Variants in KCTD19 observed in about 807,000 individuals in gnomAD.
KCTD19 encodes the protein BTB/POZ domain-containing protein KCTD19.
In KCTD19, 67 loss-of-function variants were observed where a neutral mutation model predicts 103.5. The observed-to-expected ratio is 0.65, with a 90% CI of 0.53 to 0.79. The LOEUF is 0.79. Among genes scored for constraint, KCTD19 ranks in the 30% least tolerant of loss-of-function variants. KCTD19 has a pLI of 0.00. For synonymous variants in KCTD19, 439 were observed against 452.2 expected, an observed-to-expected ratio of 0.97 and a Z score of 0.37; for missense variants, 980 against 1,136.1, an observed-to-expected ratio of 0.86 and a Z score of 1.98.
At chr16:67,322,860 T>C (rs1413796063) in intron 1 of KCTD19, among the ~76,000 whole-genome samples, 1 of 152,186 alleles carries the variant, frequency 6.6e-6, no homozygotes, top group African/African-American at 2.4e-5. Context: ...TTAAACTCAA[T>C]AACAAAAAGA....
In KCTD19 at chr16:67,304,464, A is replaced by T. The variant is rs754894683; in HGVS notation, c.408T>A (p.Ile136=). The part of the protein sequence containing the change: ...SLNYWRTWKC[I]SKPSEFPIKS... ...TAATTGGAAATTCTGAGGGTTTGCT[A>T]ATACACTTCCATGTACGCCAGTAGT... Residue 136 remains isoleucine (I), a synonymous_variant, in exon 3 of 16, where the codon ATT becomes ATA. Coordinates refer to ENST00000304372, the MANE Select transcript of KCTD19 (RefSeq NM_001100915.3). The T allele has an allele frequency of 5.0e-6, 8 of 1,613,970 alleles. No individual in the cohort carries two copies. Among genetic ancestry groups the T allele is most frequent in the Middle Eastern group, 1.6e-4 (1 of 6,080 alleles).
In KCTD19 at chr16:67,299,462, T is replaced by C; in HGVS notation, c.887A>G (p.Lys296Arg). 1 of 1,614,232 alleles carries C rather than the reference T, an allele frequency of 6.2e-7. No individual in the cohort carries two copies. The highest frequency in any genetic ancestry group is 1.1e-5 in the South Asian group (1 of 91,084). ...CTGGCCCAGCGCAGAGTCCGGGTAC[T>C]TGACCAGCAGACCCAGGGCCATTGT... ...LYTMALGLLV[K>R]YPDSALGQLR... Residue 296 changes from lysine to arginine, a missense_variant, in exon 6 of 16, where the codon AAG (lysine) becomes AGG (arginine). By Grantham distance (26) the Lys-to-Arg change is conservative (BLOSUM62 2). Transcript: ENST00000304372.
At chr16:67,306,040 T>C (rs2036889666) in intron 2 of KCTD19, among the ~76,000 whole-genome samples, 2 of 152,048 alleles carry the variant, frequency 1.3e-5, no homozygotes, top group Admixed American at 1.3e-4. Flanking sequence ...CAGTGAACAA[T>C]GGGGGAGACA....
chr16:67,296,210 T>C lies in KCTD19; in HGVS notation c.1197A>G (p.Lys399=), dbSNP rs2036762720. 1 of 1,613,802 alleles carries C rather than the reference T, an allele frequency of 6.2e-7. No individual in the cohort carries two copies. Among genetic ancestry groups the C allele is most frequent in the Admixed American group, 1.7e-5 (1 of 59,998 alleles). ...ITVYSPQQII[K]VYVGSHWYAT... The stretch of plus-strand genomic sequence containing the variant: ...CGTACCAGTGGCTTCCAACATACAC[T>C]TTGATGATCTGTTGTGGGGAATACA... Residue 399 remains lysine (K), a synonymous_variant, in exon 8 of 16, where the codon AAA becomes AAG. Coordinates refer to ENST00000304372, the MANE Select transcript of KCTD19 (RefSeq NM_001100915.3).
chr16:67,319,920 A>T (rs2037053775), intron 2 of KCTD19, among the ~76,000 whole-genome samples: 1 of 152,178 alleles, frequency 6.6e-6, no homozygotes, highest in Non-Finnish European at 1.5e-5. Flanking sequence ...GTACATAGCA[A>T]ATCCTAAAAT....
In KCTD19 at chr16:67,293,201, G is replaced by A. The variant is rs142495434; in HGVS notation, c.2218+343C>T. Among the ~76,000 whole-genome samples the A allele has an allele frequency of 2.5e-4, 38 of 152,288 alleles. No individual in the cohort carries two copies. The highest frequency in any genetic ancestry group is 8.7e-4 in the African/African-American group (36 of 41,554). ...GCCTCATCTTTTATCACGTCTGCAT[G>A]TGAAGCCTGGCCTCCAGCTAGACCC... On this transcript the variant is annotated intron_variant, in intron 12 of 15. Coordinates refer to ENST00000304372, the MANE Select transcript of KCTD19 (RefSeq NM_001100915.3). The surrounding 1 kb of genome is among the most constrained non-coding windows in gnomAD (Gnocchi z 4.0).
In KCTD19 at chr16:67,314,620, G is replaced by A. The variant is rs538888930; in HGVS notation, c.300+5969C>T. ...TGTTATAGAGATGGGGCTTTGTCAT[G>A]TTGCCCAGGCTGGTCTTGAACTCCT... On this transcript the variant is annotated intron_variant, in intron 2 of 15. Coordinates refer to ENST00000304372, the MANE Select transcript of KCTD19 (RefSeq NM_001100915.3). Among the ~76,000 whole-genome samples, 15 of 151,652 alleles carry A rather than the reference G, an allele frequency of 9.9e-5. No homozygotes were observed. The South Asian group carries it at 3.1e-3, about 31-fold the overall frequency.
chr16:67,305,799 T>C (rs2036886327), intron 2 of KCTD19, among the ~76,000 whole-genome samples: 1 of 152,220 alleles, frequency 6.6e-6, no homozygotes. Context: ...ACAAATAATC[T>C]GCCTCTAAAT....
intron 2 of KCTD19, among the ~76,000 whole-genome samples, chr16:67,311,812 C>A (rs575784675): frequency 2.0e-5 from 3 of 152,072 alleles, no homozygotes; most frequent in East Asian, 1.9e-4. Context: ...GATGAGCCAG[C>A]CTGTGAGGAG....
rs74507704 is a variant in KCTD19, at chr16:67,323,891, C to CA, written c.3+2813dup. On this transcript the variant is annotated intron_variant, in intron 1 of 15. Transcript: ENST00000304372. This position sits in a 1 kb window ranked among gnomAD's most constrained non-coding sequence, Gnocchi z 4.1. ...TGTGAATTATATCTCAATAGATCTA[C>CA]AAAAAAAAAAAAAGATGAGGTACTG... Among the ~76,000 whole-genome samples, 1,616 of 125,804 alleles carry CA rather than the reference C, an allele frequency of 0.013. 6 individuals carry two copies. The highest frequency in any genetic ancestry group is 0.017 in the Non-Finnish European group (963 of 58,246). 82.5% of individuals were successfully genotyped at this position (125,804 alleles called of 152,430 possible).
In KCTD19 at chr16:67,301,830, C is replaced by G. The variant is rs533224871; in HGVS notation, c.736G>C (p.Ala246Pro). ...TACCACCTTACGGCTTCAGTGAGTG[C>G]AGGGATTTCCAGAATTTCCACTTCT... is the stretch of plus-strand genomic sequence containing the variant. ...EAEVEILEIP[A>P]LTEAVRWYRM... The change falls in exon 5 of 16, where the codon GCA becomes CCA. Residue 246 changes from alanine (A) to proline (P), a missense_variant. Transcript: ENST00000304372. 6.2e-7 allele frequency: 1 copy of G among 1,613,952 alleles called. No individual in the cohort carries two copies. The highest frequency in any genetic ancestry group is 1.1e-5 in the South Asian group (1 of 91,080).
Position 67,294,076 on chromosome 16 carries a change from A to G in KCTD19, c.1686T>C (p.Asp562=), listed in dbSNP as rs757430326. Residue 562 remains aspartate, a synonymous_variant, in exon 12 of 16, where the codon GAT becomes GAC. Transcript: ENST00000304372. ...KGNLVRSNQM[D]EAEQYTRPIQ... Reference sequence around the variant, plus strand: ...TGGGCCGAGTGTACTGCTCAGCCTCATCCATCTGGTTGGACCTGACCAGGT... The same window carrying G: ...TGGGCCGAGTGTACTGCTCAGCCTCGTCCATCTGGTTGGACCTGACCAGGT... 1 of 1,614,126 alleles carries G rather than the reference A, an allele frequency of 6.2e-7. No homozygotes were observed. Among genetic ancestry groups the G allele is most frequent in the South Asian group, 1.1e-5 (1 of 91,086 alleles).
chr16:67,302,883 C>T (rs2036849767), intron 4 of KCTD19: 2 of 478,250 alleles, frequency 4.2e-6, no homozygotes, highest in South Asian at 5.1e-5. Context: ...CTCCTGTGGT[C>T]CCTAGCACTT....
At chr16:67,290,167 C>CTTTTTT (rs11296444) in intron 15 of KCTD19, among the ~76,000 whole-genome samples, 23 of 69,316 alleles carry the variant, frequency 3.3e-4, no homozygotes, top group African/African-American at 4.1e-4. Flanking sequence ...TGAATATTTT[C>CTTTTTT]TTTTTTTTTT....
At chr16:67,295,887 G>A in intron 8 of KCTD19, 1 of 414,858 alleles carries the variant, frequency 2.4e-6, no homozygotes, top group South Asian at 2.6e-5. Flanking sequence ...TGGGATTACA[G>A]GCACGTGCCA....
In KCTD19 at chr16:67,301,896, A is replaced by G. The variant is rs2036838676; in HGVS notation, c.670T>C (p.Leu224=). 6.2e-7 allele frequency: 1 copy of G among 1,613,710 alleles called. No individual in the cohort carries two copies. The highest frequency in any genetic ancestry group is 1.3e-5 in the African/African-American group (1 of 74,916). ...ATGTTGGAGAAATTATCCGGTAGTAAAATCTTCTGTGAGCGAAGAAAATTC... is the reference window on the plus strand; with the variant it reads ...ATGTTGGAGAAATTATCCGGTAGTAGAATCTTCTGTGAGCGAAGAAAATTC... ...IVNFLRSQKI[L]LPDNFSNIDV... The change falls in exon 5 of 16, where the codon TTA becomes CTA. Residue 224 remains leucine (L), a synonymous_variant. Coordinates refer to ENST00000304372, the MANE Select transcript of KCTD19 (RefSeq NM_001100915.3).
At chr16:67,314,818 TATATATATATATAGAGAG>T (rs1405547425) in intron 2 of KCTD19, among the ~76,000 whole-genome samples, 36 of 99,168 alleles carry the variant, frequency 3.6e-4, no homozygotes, top group South Asian at 3.8e-4. Context: ...TATATATATA[TATATATATATATAGAGAG>T]AGAGAGAGAG....
Position 67,303,295 on chromosome 16 carries a change from A to G in KCTD19, c.494T>C (p.Leu165Pro). The G allele has an allele frequency of 6.2e-7, 1 of 1,614,000 alleles. No homozygotes were observed. The highest frequency in any genetic ancestry group is 8.5e-7 in the Non-Finnish European group (1 of 1,179,938). Reference sequence around the variant, plus strand: ...GTGCACCTCCTCTTCTGTGTCTAACAGGGGTGTGTCCATGAGCCCCAGAGG... The same window carrying G: ...GTGCACCTCCTCTTCTGTGTCTAACGGGGGTGTGTCCATGAGCCCCAGAGG... ...KAPLGLMDTP[L>P]LDTEEEVHYC... Residue 165 changes from leucine (L) to proline (P), a missense_variant, in exon 4 of 16, where the codon CTG (leucine) becomes CCG (proline). Transcript: ENST00000304372. The surrounding 1 kb of genome is among the most constrained non-coding windows in gnomAD (Gnocchi z 4.3).
rs2036856688 is a variant in KCTD19 at position 67,303,232 on chromosome 16, G to C, written c.557C>G (p.Pro186Arg). Residue 186 changes from proline to arginine, a missense_variant, in exon 4 of 16, where the codon CCC becomes CGC. Pro to Arg is a moderately radical substitution (Grantham distance 103). Transcript: ENST00000304372. The surrounding 1 kb of genome is among the most constrained non-coding windows in gnomAD (Gnocchi z 4.3). ...CAGGTTGTCTTCAGTCACTAGGCTG[G>C]GATATTTGGCCACCAGGTCTAGGGG... The part of the protein sequence containing the change: ...FLPLDLVAKY[P>R]SLVTEDNLLW... 6.2e-7 allele frequency: 1 copy of C among 1,613,994 alleles called. No individual in the cohort carries two copies. Among genetic ancestry groups the C allele is most frequent in the Non-Finnish European group, 8.5e-7 (1 of 1,179,990 alleles).
Sources: allele counts gnomAD v4.1 joint callset (sites outside exome capture counted in the v4.1 genomes callset), GRCh38; gene constraint gnomAD v4.1.1; non-coding constraint Gnocchi (gnomAD v3.1); transcripts MANE v1.5; gene names NCBI Gene and HGNC (gene_info 2026-07-23, HGNC 2026-07-21).